KDM7A: variants seen among roughly 807,000 people sequenced by gnomAD.
KDM7A encodes lysine-specific demethylase 7A.
In KDM7A, 28 loss-of-function variants were observed where a neutral mutation model predicts 114.8. The observed-to-expected ratio is 0.24, with a 90% CI of 0.18 to 0.33. KDM7A has a LOEUF of 0.33. KDM7A is among the 10% of genes least tolerant of loss of function. KDM7A has a pLI of 1.00. For missense variants in KDM7A, 942 were observed against 1,142.5 expected (o/e 0.82, Z 2.53); for synonymous variants, 423 against 397.8 (o/e 1.06, Z -0.75).
intron 1 of KDM7A, among the ~76,000 whole-genome samples, chr7:140,175,252 A>T (rs2116866667): frequency 6.6e-6 from 1 of 152,246 alleles, no homozygotes; most frequent in South Asian, 2.1e-4. Context: ...ACTTAACTAC[A>T]CCTAGCACTA....
chr7:140,108,825 G>GA (rs1216963175), intron 11 of KDM7A, among the ~76,000 whole-genome samples: 2 of 152,210 alleles, frequency 1.3e-5, no homozygotes, highest in Non-Finnish European at 2.9e-5. Flanking sequence ...TAAGTCTGCA[G>GA]AAGTTTCTGC....
chr7:140,100,660 TTATATATATATATATATA>T, intron 12 of KDM7A, among the ~76,000 whole-genome samples: 1 of 111,284 alleles, frequency 9.0e-6, no homozygotes, highest in African/African-American at 3.5e-5. Context: ...TTTTAAAAAG[TTATATATATATATATATA>T]TACATATATA....
chr7:140,084,985 AC>A lies in KDM7A; in HGVS notation c.*6108del, dbSNP rs1207043138. 1 of 152,244 alleles carries A rather than the reference AC, an allele frequency of 6.6e-6. No individual in the cohort carries two copies. The highest frequency in any genetic ancestry group is 1.5e-5 in the Non-Finnish European group (1 of 68,042). 9.4% of individuals were successfully genotyped at this position (152,244 alleles called of 1,614,324 possible). A position where few individuals can be genotyped will look rare whatever the true frequency, so the allele number is the denominator to read the frequency against. On this transcript the variant is annotated 3_prime_UTR_variant, in exon 20 of 20. Transcript: ENST00000397560. ...ATCAATGTAAGCTACTTAAAGACTT[AC>A]AAATTTAAAGTAAAACAGAAACAAA... is the stretch of plus-strand genomic sequence containing the variant.
intron 7 of KDM7A, among the ~76,000 whole-genome samples, chr7:140,121,554 C>T (rs1429083377): frequency 1.3e-5 from 2 of 152,126 alleles, no homozygotes; most frequent in East Asian, 3.9e-4. Flanking sequence ...TTCTCAATAG[C>T]GGCAGTACTG....
At chr7:140,091,330 G>A (rs941272186) in intron 19 of KDM7A, 142 bp from the exon 20 acceptor site, 17 of 661,638 alleles carry the variant, frequency 2.6e-5, no homozygotes, top group African/African-American at 1.8e-4. Flanking sequence ...CTGAACTTCC[G>A]CTGTTTAAAA....
At position 140,088,282 on chromosome 7, in the gene KDM7A, A is replaced by G. The variant is rs567982285; in HGVS notation, c.*2812T>C. 3 of 376,100 alleles carry G rather than the reference A, an allele frequency of 8.0e-6. No homozygotes were observed. The highest frequency in any genetic ancestry group is 7.6e-5 in the East Asian group (2 of 26,300). The allele number at this position is 376,100 out of a possible 1,614,324, so 23.3% of individuals were successfully genotyped here. On this transcript the variant is annotated 3_prime_UTR_variant, in exon 20 of 20. Transcript: ENST00000397560. ...TTTACATCACTCATCAATATTGAAA[A>G]GCATAATATTATGTGACATTGTAAA...
At chr7:140,143,643 G>A (rs183703879) in intron 1 of KDM7A, among the ~76,000 whole-genome samples, 59 of 152,218 alleles carry the variant, frequency 3.9e-4, no homozygotes, top group African/African-American at 1.4e-3. Flanking sequence ...GAGACCTCCG[G>A]ATATGCAAAA....
chr7:140,109,065 G>C (rs1027393065), intron 11 of KDM7A, among the ~76,000 whole-genome samples: 11 of 152,076 alleles, frequency 7.2e-5, no homozygotes, highest in Non-Finnish European at 1.3e-4. Flanking sequence ...TGGGACCCTC[G>C]GAGCCAGCGC....
intron 9 of KDM7A, among the ~76,000 whole-genome samples, chr7:140,116,314 A>G (rs1291766632): frequency 6.6e-6 from 1 of 152,102 alleles, no homozygotes; most frequent in African/African-American, 2.4e-5. Flanking sequence ...TCTAGCAATG[A>G]AAAAGAACTA....
At chr7:140,132,130 C>A (rs1418282457) in intron 3 of KDM7A, among the ~76,000 whole-genome samples, 2 of 152,116 alleles carry the variant, frequency 1.3e-5, no homozygotes, top group African/African-American at 4.8e-5. Flanking sequence ...AAAGATAATT[C>A]ATTCACTTTA....
rs527408451 is a variant in KDM7A, at chr7:140,102,097, A to G, written c.1492T>C (p.Ser498Pro). ...IPIVCPVSRS[S>P]NEATSPYHSR... is the part of the protein sequence containing the mutation. ...TGGTATGGGGAAGTTGCTTCATTTG[A>G]GGATCGTGAAACTGGACACACAATA... The change falls in exon 12 of 20, where the codon TCA (serine) becomes CCA (proline). Residue 498 changes from serine (S) to proline (P), a missense_variant. Physicochemically the swap from Ser to Pro is moderately conservative, Grantham distance 74 (BLOSUM62 -1). This residue lies in a region of KDM7A where 512 missense variants were observed against 576.6 expected (regional missense o/e 0.89). Transcript: ENST00000397560. 2.2e-5 allele frequency: 36 copies of G among 1,614,054 alleles called. No individual in the cohort carries two copies. In the South Asian group the frequency reaches 3.6e-4, roughly 16 times the overall value.
chr7:140,145,617 T>C (rs1794331489), intron 1 of KDM7A, among the ~76,000 whole-genome samples: 3 of 152,188 alleles, frequency 2.0e-5, no homozygotes, highest in African/African-American at 7.2e-5. Flanking sequence ...TTCCCTGATT[T>C]TAAATGCAAG....
intron 1 of KDM7A, among the ~76,000 whole-genome samples, chr7:140,139,652 C>T (rs971081819): frequency 1.3e-5 from 2 of 151,796 alleles, no homozygotes; most frequent in African/African-American, 4.8e-5. Context: ...TATGTATCTA[C>T]CTCAAGAAGT....
intron 1 of KDM7A, among the ~76,000 whole-genome samples, chr7:140,172,535 CCCA>C (rs1794657418): frequency 6.6e-6 from 1 of 152,028 alleles, no homozygotes. Context: ...TGCCTGTAGT[CCCA>C]GCTACTCTGG....
At chr7:140,114,292 C>T (rs1237904006) in intron 9 of KDM7A, among the ~76,000 whole-genome samples, 1 of 152,160 alleles carries the variant, frequency 6.6e-6, no homozygotes, top group East Asian at 1.9e-4. Flanking sequence ...CTCAGCCTGC[C>T]GAGTGCCTGG....
intron 1 of KDM7A, among the ~76,000 whole-genome samples, chr7:140,169,416 CA>C (rs1396119405): frequency 6.6e-6 from 1 of 152,152 alleles, no homozygotes; most frequent in African/African-American, 2.4e-5. Context: ...TTCAAATCTT[CA>C]AAAATAAAAG....
intron 1 of KDM7A, among the ~76,000 whole-genome samples, chr7:140,143,666 T>G (rs1159701662): frequency 6.6e-6 from 1 of 152,158 alleles, no homozygotes; most frequent in Non-Finnish European, 1.5e-5. Context: ...AAGCCTACTC[T>G]CACCTGAGAG....
rs1455204680 is a variant in KDM7A, at chr7:140,126,711, T to A, written c.814A>T (p.Met272Leu). 5 of 1,613,540 alleles carry A rather than the reference T, an allele frequency of 3.1e-6. No homozygotes were observed. The highest frequency in any genetic ancestry group is 2.7e-5 in the African/African-American group (2 of 74,914). The change falls in exon 6 of 20, where the codon ATG (methionine) becomes TTG (leucine). Residue 272 changes from methionine (M) to leucine (L), a missense_variant. By Grantham distance (15) the Met-to-Leu change is conservative. Coordinates refer to ENST00000397560, the MANE Select transcript of KDM7A (RefSeq NM_030647.2). ...TCTGTATAGCTGTCTTGAACTCCCA[T>A]TAAGCAATATTTCTGAACAAATGGC... The part of the protein sequence containing the change: ...PKPFVQKYCL[M>L]GVQDSYTDFH...
intron 3 of KDM7A, among the ~76,000 whole-genome samples, chr7:140,132,559 C>A (rs1191520806): frequency 6.6e-6 from 1 of 151,956 alleles, no homozygotes; most frequent in African/African-American, 2.4e-5. Flanking sequence ...CAAGCATGAG[C>A]CAATAAAAAA....
Sources: gnomAD v4.1 joint callset for allele counts (sites outside exome capture counted in the v4.1 genomes callset) on GRCh38, gnomAD v4.1.1 for gene constraint, gnomAD v4.1.1 regional missense constraint, MANE v1.5 for transcripts, NCBI Gene and HGNC (gene_info 2026-07-23, HGNC 2026-07-21) for gene names.